Variants in SORBS3 observed in about 807,000 individuals in gnomAD.
SORBS3 encodes vinexin.
A neutral mutation model predicts 98.0 loss-of-function variants in SORBS3; 69 were observed. The ratio of observed to expected loss-of-function variants is 0.70; its 90% confidence interval spans 0.58 to 0.86. SORBS3 has a LOEUF of 0.86. Ranked by LOEUF, SORBS3 falls within the 40% of genes least tolerant of loss-of-function variation. The pLI is 0.00. For missense variants in SORBS3, 954 were observed against 908.5 expected (o/e 1.05, Z -0.64); for synonymous variants, 394 against 355.4 (o/e 1.11, Z -1.22).
chr8:22,570,965 T>C lies in SORBS3; in HGVS notation c.1487T>C (p.Ile496Thr). The C allele has an allele frequency of 6.2e-7, 1 of 1,613,284 alleles. No homozygotes were observed. Among genetic ancestry groups the C allele is most frequent in the Admixed American group, 1.7e-5 (1 of 59,976 alleles). The change falls in exon 18 of 21, where the codon ATC becomes ACC. Residue 496 changes from isoleucine (I) to threonine (T), a missense_variant. Coordinates refer to ENST00000240123, the MANE Select transcript of SORBS3 (RefSeq NM_005775.5). ...AACGAGAACTGGTACGAGGGACGCATCACGGGCACGGGGCGCCAAGGCATA... is the reference window on the plus strand; with the variant it reads ...AACGAGAACTGGTACGAGGGACGCACCACGGGCACGGGGCGCCAAGGCATA... ...KVNENWYEGR[I>T]TGTGRQGIFP... is the part of the protein sequence containing the mutation.
chr8:22,561,400 G>T, intron 6 of SORBS3, 27 bp downstream of exon 6: 1 of 1,612,730 alleles, frequency 6.2e-7, no homozygotes, highest in Non-Finnish European at 8.5e-7. Context: ...CCACCTGCCT[G>T]CCATAGCCCT....
At chr8:22,574,489 A>G (rs540859705) in intron 20 of SORBS3, among the ~76,000 whole-genome samples, 178 bp from the exon 21 acceptor site, 1 of 152,210 alleles carries the variant, frequency 6.6e-6, no homozygotes, top group South Asian at 2.1e-4. Context: ...AGCTTTGCCC[A>G]TCTAAGCTTC....
chr8:22,572,441 T>G lies in SORBS3; in HGVS notation c.1949T>G (p.Phe650Cys). Residue 650 changes from phenylalanine (F) to cysteine (C), a missense_variant, in exon 20 of 21, where the codon TTT becomes TGT. Transcript: ENST00000240123. ...DVMQQCDDGW[F>C]VGVSRRTQKF... is the part of the protein sequence containing the mutation. ...ATGCAGCAGTGTGACGATGGCTGGT[T>G]TGTGGGTATGTGGGCAGGCCGGGAG... The G allele has an allele frequency of 1.9e-6, 3 of 1,613,070 alleles. No individual in the cohort carries two copies. The highest frequency in any genetic ancestry group is 2.5e-6 in the Non-Finnish European group (3 of 1,179,432).
chr8:22,567,476 C>G (rs970576579), intron 16 of SORBS3, among the ~76,000 whole-genome samples: 2 of 152,208 alleles, frequency 1.3e-5, no homozygotes, highest in Non-Finnish European at 1.5e-5. Context: ...GGAAATCATC[C>G]TAATGGCAAC....
upstream of SORBS3, chr8:22,549,930 A>AGCTTT (rs1840056934): frequency 1.0e-6 from 1 of 956,718 alleles, no homozygotes; most frequent in Non-Finnish European, 1.2e-6. Flanking sequence ...GAATAAGAGA[A>AGCTTT]GCTTGCTGCT....
upstream of SORBS3, chr8:22,551,878 C>T (rs968906389): frequency 2.0e-6 from 2 of 985,048 alleles, no homozygotes; most frequent in Non-Finnish European, 2.4e-6. This position sits in a 1 kb window ranked among gnomAD's most constrained non-coding sequence, Gnocchi z 5.8. Context: ...CGGCCCGGCC[C>T]GTCCTGACCC....
Position 22,566,425 on chromosome 8 carries a change from C to G in SORBS3, c.1031C>G (p.Ala344Gly), listed in dbSNP as rs753902580. 2.5e-6 allele frequency: 4 copies of G among 1,614,052 alleles called. No individual in the cohort carries two copies. Among genetic ancestry groups the G allele is most frequent in the East Asian group, 4.5e-5 (2 of 44,870 alleles). ...CGGTCCCTGAGTCCCCACAAAATGG[C>G]TGATGGAGGAAGCCCCTTCCTAGGT... ...SARSLSPHKM[A>G]DGGSPFLGRR... Residue 344 changes from alanine to glycine, a missense_variant, in exon 13 of 21, where the codon GCT becomes GGT. Transcript: ENST00000240123.
chr8:22,561,733 C>G, intron 6 of SORBS3, 132 bp from the exon 7 acceptor site: 2 of 796,608 alleles, frequency 2.5e-6, no homozygotes, highest in Non-Finnish European at 4.3e-6. Flanking sequence ...CACCAACCAC[C>G]CTGCCCCCAC....
chr8:22,570,800 G>T, intron 17 of SORBS3, 110 bp from the exon 18 acceptor site: 2 of 963,520 alleles, frequency 2.1e-6, no homozygotes, highest in South Asian at 1.7e-5. Context: ...CTGCGATTCC[G>T]ACCCCTCGTG....
upstream of SORBS3, chr8:22,550,156 G>T (rs1840059942): frequency 3.1e-6 from 1 of 318,582 alleles, no homozygotes; most frequent in Non-Finnish European, 4.5e-6. Context: ...TAAGCTTCAG[G>T]TTGGGGGGCA....
Position 22,566,431 on chromosome 8 carries a change from G to C in SORBS3, c.1037G>C (p.Gly346Ala), listed in dbSNP as rs750944976. 1 of 1,614,040 alleles carries C rather than the reference G, an allele frequency of 6.2e-7. No individual in the cohort carries two copies. Residue 346 changes from glycine to alanine, a missense_variant, in exon 13 of 21, where the codon GGA (glycine) becomes GCA (alanine). Gly to Ala is a moderately conservative substitution (Grantham distance 60). Transcript: ENST00000240123. ...RSLSPHKMAD[G>A]GSPFLGRRDF... ...CTGAGTCCCCACAAAATGGCTGATGGAGGAAGCCCCTTCCTAGGTCGGAGG... is the reference window on the plus strand; with the variant it reads ...CTGAGTCCCCACAAAATGGCTGATGCAGGAAGCCCCTTCCTAGGTCGGAGG...
chr8:22,562,033 G>A, intron 7 of SORBS3, 102 bp downstream of exon 7: 1 of 1,121,122 alleles, frequency 8.9e-7, no homozygotes, highest in Admixed American at 1.9e-5. Flanking sequence ...CAGCCTCGGA[G>A]CCCAGCCAGG....
At chr8:22,552,522 G>A (rs1413138879) in intron 1 of SORBS3, among the ~76,000 whole-genome samples, 1 of 152,216 alleles carries the variant, frequency 6.6e-6, no homozygotes, top group Non-Finnish European at 1.5e-5. Context: ...TCCTGTGGTG[G>A]GGGGCGACAC....
intron 20 of SORBS3, among the ~76,000 whole-genome samples, chr8:22,573,038 G>T (rs567461785): frequency 6.6e-6 from 1 of 152,338 alleles, no homozygotes; most frequent in Admixed American, 6.5e-5. Flanking sequence ...GCCGTCCCCA[G>T]AGAGAAGAGA....
rs761572472 is a variant in SORBS3, at chr8:22,574,697, C to A, written c.1985C>A (p.Thr662Lys). The A allele has an allele frequency of 1.1e-5, 18 of 1,611,286 alleles. No homozygotes were observed. The highest frequency in any genetic ancestry group is 1.5e-5 in the Non-Finnish European group (18 of 1,178,596). ...GVSRRTQKFGTFPGNYVAPV is the reference protein window; with the variant it reads ...GVSRRTQKFGKFPGNYVAPV ...TCCCGGAGGACCCAGAAATTCGGAA[C>A]GTTCCCTGGAAATTACGTTGCCCCG... Residue 662 changes from threonine to lysine, a missense_variant, in exon 21 of 21, where the codon ACG (threonine) becomes AAG (lysine). Coordinates refer to ENST00000240123, the MANE Select transcript of SORBS3 (RefSeq NM_005775.5).
rs368264093 is a variant in SORBS3 at position 22,570,932 on chromosome 8, G to A, written c.1454G>A (p.Arg485His). 20 of 1,606,304 alleles carry A rather than the reference G, an allele frequency of 1.2e-5. No individual in the cohort carries two copies. The highest frequency in any genetic ancestry group is 6.7e-5 in the African/African-American group (5 of 74,776). ...FRKGEHICLI[R>H]KVNENWYEGR... ...CAGGGAGAGCACATCTGCCTGATCC[G>A]CAAGGTGAACGAGAACTGGTACGAG... The change falls in exon 18 of 21, where the codon CGC (arginine) becomes CAC (histidine). Residue 485 changes from arginine (R) to histidine (H), a missense_variant. Transcript: ENST00000240123.
chr8:22,563,930 G>C (rs1039417116), intron 7 of SORBS3, 57 bp from the exon 8 acceptor site: 1 of 1,347,122 alleles, frequency 7.4e-7, no homozygotes, highest in Non-Finnish European at 1.1e-6. Flanking sequence ...CTGTGTGCTG[G>C]CTTCTGCCTC....
At chr8:22,560,572 G>T (rs1184709762) in intron 5 of SORBS3, among the ~76,000 whole-genome samples, 1 of 152,192 alleles carries the variant, frequency 6.6e-6, no homozygotes, top group Non-Finnish European at 1.5e-5. Flanking sequence ...TGAGTAAGAT[G>T]AATACTTAGA....
intron 5 of SORBS3, among the ~76,000 whole-genome samples, chr8:22,559,570 G>A (rs1035085392): frequency 2.6e-5 from 4 of 152,104 alleles, no homozygotes; most frequent in Non-Finnish European, 5.9e-5. Flanking sequence ...GGATGTGGCG[G>A]CATGCACCTG....
Sources: gnomAD v4.1 joint callset for allele counts (sites outside exome capture counted in the v4.1 genomes callset) on GRCh38, gnomAD v4.1.1 for gene constraint, Gnocchi (gnomAD v3.1) non-coding constraint, MANE v1.5 for transcripts, NCBI Gene and HGNC (gene_info 2026-07-23, HGNC 2026-07-21) for gene names.